WRN: variants seen among roughly 807,000 people sequenced by gnomAD.
WRN encodes bifunctional 3'-5' exonuclease/ATP-dependent helicase WRN.
In WRN, 149 loss-of-function variants were observed where a neutral mutation model predicts 180.7. That is an observed-to-expected ratio of 0.82 (90% confidence interval 0.72 to 0.94). The LOEUF is 0.94. Among genes scored for constraint, WRN ranks in the 40% least tolerant of loss-of-function variants. The pLI is 0.00. For missense variants in WRN, 1,661 were observed against 1,700.1 expected (o/e 0.98, Z 0.40); for synonymous variants, 548 against 568.9 (o/e 0.96, Z 0.52).
chr8:31,151,073 A>G (rs1436606412), intron 31 of WRN, among the ~76,000 whole-genome samples: 1 of 152,202 alleles, frequency 6.6e-6, no homozygotes, highest in Non-Finnish European at 1.5e-5. Flanking sequence ...AGGGGAGACT[A>G]CTAGACTAGG....
chr8:31,115,718 G>A (rs2725380), intron 19 of WRN, among the ~76,000 whole-genome samples: 72,555 of 151,910 alleles, frequency 0.48, 17,823 homozygotes, highest in East Asian at 0.6. Flanking sequence ...AAAATATTCT[G>A]TGGAAATTGA....
intron 32 of WRN, among the ~76,000 whole-genome samples, chr8:31,155,952 C>T (rs1287075467): frequency 6.6e-6 from 1 of 152,038 alleles, no homozygotes; most frequent in Admixed American, 6.5e-5. Flanking sequence ...AATAAATGCT[C>T]TAATTTGACA....
intron 33 of WRN, among the ~76,000 whole-genome samples, chr8:31,159,852 G>A (rs1031109411): frequency 6.6e-6 from 1 of 151,338 alleles, no homozygotes; most frequent in Non-Finnish European, 1.5e-5. Context: ...GACTGAGGCA[G>A]GAGAATCGCT....
intron 7 of WRN, among the ~76,000 whole-genome samples, chr8:31,075,415 CT>C (rs1273731743): frequency 1.3e-5 from 2 of 152,022 alleles, no homozygotes; most frequent in Non-Finnish European, 2.9e-5. Flanking sequence ...ATTAGAAAGG[CT>C]TACATTTTAT....
At chr8:31,067,409 C>T (rs1256099883) in intron 6 of WRN, among the ~76,000 whole-genome samples, 3 of 152,176 alleles carry the variant, frequency 2.0e-5, no homozygotes, top group Non-Finnish European at 4.4e-5. Context: ...TTTTCATTGT[C>T]ATGAAGCCAA....
rs1006207240 is a variant in WRN at position 31,175,392 on chromosome 8, G to A, written c.*2290G>A. On this transcript the variant is annotated 3_prime_UTR_variant, in exon 35 of 35. Transcript: ENST00000298139. ...GGAGATTGCAGTGAGCTGAGACTGC[G>A]CCACTGCACCCCAGCCTGGCGACAG... Among the ~76,000 whole-genome samples the A allele has an allele frequency of 1.3e-5, 2 of 152,232 alleles. No individual in the cohort carries two copies. The highest frequency in any genetic ancestry group is 2.1e-4 in the South Asian group (1 of 4,826).
intron 23 of WRN, among the ~76,000 whole-genome samples, chr8:31,129,866 G>GTGGTGGC (rs1802077474): frequency 6.6e-6 from 1 of 151,896 alleles, no homozygotes; most frequent in South Asian, 2.1e-4. Context: ...TCAGCTGGGC[G>GTGGTGGC]TGGTGGCACG....
chr8:31,091,750 T>G lies in WRN; in HGVS notation c.1830-80T>G, dbSNP rs1813754780. On this transcript the variant is annotated intron_variant, in intron 15 of 34. Coordinates refer to ENST00000298139, the MANE Select transcript of WRN (RefSeq NM_000553.6). ...ACAGGAATATAAATTATTATATTTC[T>G]TTATTCTTTCTCACTTAAGAGTGAA... is the stretch of plus-strand genomic sequence containing the variant. 3 of 1,304,158 alleles carry G rather than the reference T, an allele frequency of 2.3e-6. No individual in the cohort carries two copies. In the East Asian group the frequency reaches 7.0e-5, roughly 30 times the overall value. The allele number at this position is 1,304,158 out of a possible 1,614,324, so 80.8% of individuals were successfully genotyped here.
intron 23 of WRN, among the ~76,000 whole-genome samples, chr8:31,126,601 C>G (rs1007808377): frequency 6.6e-6 from 1 of 152,050 alleles, no homozygotes; most frequent in African/African-American, 2.4e-5. Flanking sequence ...CAAAATAAAT[C>G]AAAATGAAGT....
chr8:31,055,521 T>G (rs1812236034), intron 1 of WRN, among the ~76,000 whole-genome samples: 1 of 152,224 alleles, frequency 6.6e-6, no homozygotes, highest in Non-Finnish European at 1.5e-5. Context: ...TCAGTGATGT[T>G]GAGCTTTTTT....
rs2130094798 is a variant in WRN, at chr8:31,076,221, C to T, written c.773C>T (p.Ser258Phe). The change falls in exon 8 of 35, where the codon TCT (serine) becomes TTT (phenylalanine). Residue 258 changes from serine (S) to phenylalanine (F), a missense_variant. Ser to Phe is a radical substitution (Grantham distance 155). This residue lies in a region of WRN where 500 missense variants were observed against 504.1 expected (regional missense o/e 0.99). Transcript: ENST00000298139. ...SDMNKQLTSI[S>F]EEVMDLAKHL... ...ATGAACAAACAGTTGACTTCAATCT[C>T]TGAGGAAGTGATGGATCTGGCTAAG... 1 of 1,613,764 alleles carries T rather than the reference C, an allele frequency of 6.2e-7. No homozygotes were observed. Among genetic ancestry groups the T allele is most frequent in the Non-Finnish European group, 8.5e-7 (1 of 1,179,914 alleles).
At chr8:31,054,078 CT>C (rs373549149) in intron 1 of WRN, among the ~76,000 whole-genome samples, 229 of 152,186 alleles carry the variant, frequency 1.5e-3, no homozygotes, top group African/African-American at 5.2e-3. Context: ...AAGCCTTCTC[CT>C]TTGCCATTTG....
intron 4 of WRN, among the ~76,000 whole-genome samples, chr8:31,064,701 C>G (rs1349634842): frequency 1.3e-5 from 2 of 152,162 alleles, no homozygotes; most frequent in Middle Eastern, 3.2e-3. Flanking sequence ...ACTGCTATTG[C>G]TAGCAGGAGT....
rs1016995310 is a variant in WRN at position 31,175,111 on chromosome 8, A to G, written c.*2009A>G. The stretch of plus-strand genomic sequence containing the variant: ...GATCCGTATAACTCAGTGAATCAGT[A>G]TGTTCTGGATGACTAATATGTGATG... On this transcript the variant is annotated 3_prime_UTR_variant, in exon 35 of 35. Coordinates refer to ENST00000298139, the MANE Select transcript of WRN (RefSeq NM_000553.6). Among the ~76,000 whole-genome samples, 1 of 151,782 alleles carries G rather than the reference A, an allele frequency of 6.6e-6. No individual in the cohort carries two copies.
intron 3 of WRN, among the ~76,000 whole-genome samples, chr8:31,062,906 A>G (rs992712199): frequency 6.6e-5 from 10 of 151,828 alleles, no homozygotes; most frequent in East Asian, 2.0e-4. Context: ...ATCATACTCA[A>G]TGCAGCCTCA....
intron 3 of WRN, among the ~76,000 whole-genome samples, chr8:31,060,420 G>A (rs1247061166): frequency 6.6e-6 from 1 of 152,022 alleles, no homozygotes; most frequent in Admixed American, 6.6e-5. Flanking sequence ...AATTAGCCAG[G>A]TGTCTGTGGT....
At chr8:31,110,246 C>T (rs1487030789) in intron 18 of WRN, among the ~76,000 whole-genome samples, 2 of 152,110 alleles carry the variant, frequency 1.3e-5, no homozygotes, top group Non-Finnish European at 2.9e-5. Context: ...AGAAACCAAC[C>T]TCTTTATAGA....
intron 23 of WRN, among the ~76,000 whole-genome samples, chr8:31,129,193 C>T (rs913817206): frequency 2.6e-5 from 4 of 152,194 alleles, no homozygotes; most frequent in Non-Finnish European, 5.9e-5. Flanking sequence ...GTTGCCCAGG[C>T]TGGTTTTCAA....
At position 31,157,377 on chromosome 8, in the gene WRN, G is replaced by C; in HGVS notation, c.3829G>C (p.Ala1277Pro). The change falls in exon 33 of 35, where the codon GCT becomes CCT. Residue 1277 changes from alanine to proline, a missense_variant. Physicochemically the swap from Ala to Pro is conservative, Grantham distance 27. Coordinates refer to ENST00000298139, the MANE Select transcript of WRN (RefSeq NM_000553.6). ...QEKKMPLKSI[A>P]ESRILPLMTI... ...GCTGATCTTTCTCTAGAAGAGCATA[G>C]CTGAGAGCAGGATTCTGCCTCTCAT... is the stretch of plus-strand genomic sequence containing the variant. 6.2e-7 allele frequency: 1 copy of C among 1,613,970 alleles called. No homozygotes were observed. Among genetic ancestry groups the C allele is most frequent in the Non-Finnish European group, 8.5e-7 (1 of 1,180,020 alleles).
Sources: allele counts gnomAD v4.1 joint callset (sites outside exome capture counted in the v4.1 genomes callset), GRCh38; gene constraint gnomAD v4.1.1; regional missense constraint gnomAD v4.1.1; transcripts MANE v1.5; gene names NCBI Gene and HGNC (gene_info 2026-07-23, HGNC 2026-07-21).